Variants in PCM1 observed in about 807,000 individuals in gnomAD.
The protein encoded by PCM1 is pericentriolar material 1, also known as pericentriolar material 1 protein.
PCM1 carries 157 observed loss-of-function variants against 241.9 expected under a neutral mutation model. That is an observed-to-expected ratio of 0.65 (90% CI 0.57 to 0.74). PCM1 has a LOEUF of 0.74. PCM1 is among the 30% of genes least tolerant of loss of function. The probability of loss-of-function intolerance (pLI) is 0.00; values close to 1 mark genes in which losing one functional copy is unlikely to be tolerated. For synonymous variants in PCM1, 1,085 were observed against 784.9 expected, an observed-to-expected ratio of 1.38 and a Z score of -6.39; for missense variants, 3,478 against 2,360.1, an observed-to-expected ratio of 1.47 and a Z score of -9.81.
At position 18,027,930 on chromosome 8, in the gene PCM1, A is replaced by T. The variant is rs191441199; in HGVS notation, c.*268A>T. On this transcript the variant is annotated 3_prime_UTR_variant, in exon 39 of 39. Transcript: ENST00000325083. ...TCCCCATTGTGATGTTTGGTAACGA[A>T]TTTAAAATGTAGTTTTAAATAAAGT... is the stretch of plus-strand genomic sequence containing the variant. 125 of 359,730 alleles carry T rather than the reference A, an allele frequency of 3.5e-4. No individual in the cohort carries two copies. Among genetic ancestry groups the T allele is most frequent in the African/African-American group, 2.4e-3 (116 of 47,948 alleles). 22.3% of individuals were successfully genotyped at this position (359,730 alleles called of 1,614,324 possible).
intron 8 of PCM1, among the ~76,000 whole-genome samples, chr8:17,951,994 G>A (rs1481004629): frequency 2.0e-5 from 3 of 152,026 alleles, no homozygotes; most frequent in Non-Finnish European, 2.9e-5. Flanking sequence ...AGGCCGAGGC[G>A]GGTGGATCAC....
intron 29 of PCM1, among the ~76,000 whole-genome samples, chr8:18,000,129 G>C (rs1160860084): frequency 1.3e-5 from 2 of 152,198 alleles, no homozygotes; most frequent in African/African-American, 4.8e-5. Context: ...AAGTAGAGAT[G>C]TGACTAAGGA....
intron 2 of PCM1, among the ~76,000 whole-genome samples, chr8:17,931,755 TTCAGTATTACAAATTATG>T (rs2059113543): frequency 6.6e-6 from 1 of 152,130 alleles, no homozygotes; most frequent in African/African-American, 2.4e-5. Flanking sequence ...TGTTTTATTC[TTCAGTATTACAAATTATG>T]TCAGTATATG....
chr8:17,977,618 C>T, intron 23 of PCM1, among the ~76,000 whole-genome samples: 1 of 152,062 alleles, frequency 6.6e-6, no homozygotes, highest in East Asian at 1.9e-4. Context: ...TAACCCTTCC[C>T]CTTACCCCCA....
At chr8:17,957,860 T>C in intron 13 of PCM1, 85 bp downstream of exon 13, 1 of 853,224 alleles carries the variant, frequency 1.2e-6, no homozygotes, top group Non-Finnish European at 1.8e-6. Context: ...TACTTTGGTT[T>C]AATTATACTA....
chr8:17,923,399 T>C (rs2055342819), intron 1 of PCM1, among the ~76,000 whole-genome samples: 1 of 152,092 alleles, frequency 6.6e-6, no homozygotes, highest in African/African-American at 2.4e-5. Context: ...GATCCCCGGG[T>C]GAGCACCTCG....
At chr8:18,012,276 GTA>G (rs1424419651) in intron 34 of PCM1, among the ~76,000 whole-genome samples, 3 of 152,166 alleles carry the variant, frequency 2.0e-5, no homozygotes, top group African/African-American at 7.2e-5. Context: ...TGTCTACACT[GTA>G]TACACTACCT....
At chr8:17,963,362 C>A in intron 17 of PCM1, 71 bp downstream of exon 17, 1 of 1,091,892 alleles carries the variant, frequency 9.2e-7, no homozygotes, top group Non-Finnish European at 1.3e-6. Context: ...GCTAGGCAGC[C>A]ACATTTCTCC....
intron 36 of PCM1, 113 bp downstream of exon 36, chr8:18,014,953 A>G (rs1348413551): frequency 3.3e-6 from 3 of 903,868 alleles, no homozygotes; most frequent in Non-Finnish European, 3.2e-6. Flanking sequence ...GGTTTAGAAC[A>G]TGTTGGAACA....
intron 6 of PCM1, among the ~76,000 whole-genome samples, chr8:17,946,553 A>G (rs7829827): frequency 0.037 from 5,551 of 151,070 alleles, 160 homozygotes; most frequent in African/African-American, 0.072. Flanking sequence ...CTGGAGTGCA[A>G]TGGTGCAGTC....
At chr8:17,967,306 T>C (rs115938083) in intron 21 of PCM1, 136 bp downstream of exon 21, 7 of 200,920 alleles carry the variant, frequency 3.5e-5, no homozygotes, top group African/African-American at 1.7e-4. Context: ...TTACAAACTC[T>C]TTTTTTTTTT....
At position 18,011,652 on chromosome 8, in the gene PCM1, T is replaced by C; in HGVS notation, c.5351-15T>C. 5.0e-6 allele frequency: 8 copies of C among 1,588,802 alleles called. No homozygotes were observed. Among genetic ancestry groups the C allele is most frequent in the Admixed American group, 1.8e-5 (1 of 55,302 alleles). Reference sequence around the variant, plus strand: ...GTGCTGAAATTTACTAAAAATTGTGTATTAATCAACTTAGATTTGTCTAAA... The same window carrying C: ...GTGCTGAAATTTACTAAAAATTGTGCATTAATCAACTTAGATTTGTCTAAA... On this transcript the variant is annotated splice_polypyrimidine_tract_variant and intron_variant, in intron 33 of 38. Coordinates refer to ENST00000325083, the MANE Select transcript of PCM1 (RefSeq NM_006197.4).
At chr8:17,994,817 C>T (rs1282430927) in intron 29 of PCM1, among the ~76,000 whole-genome samples, 1 of 151,372 alleles carries the variant, frequency 6.6e-6, no homozygotes, top group East Asian at 1.9e-4. Context: ...GCCTGTTTGC[C>T]ATTTGTATGT....
chr8:17,937,754 T>A (rs2060824258), intron 4 of PCM1, among the ~76,000 whole-genome samples: 1 of 152,148 alleles, frequency 6.6e-6, no homozygotes, highest in South Asian at 2.1e-4. Flanking sequence ...TACCTCAAGT[T>A]TAGAATGAAA....
At chr8:17,958,674 C>G (rs908299455) in intron 13 of PCM1, among the ~76,000 whole-genome samples, 1 of 151,924 alleles carries the variant, frequency 6.6e-6, no homozygotes, top group Non-Finnish European at 1.5e-5. Flanking sequence ...TTGAATTACT[C>G]AAGTAAAAGG....
At chr8:17,985,789 AT>A (rs553785009) in intron 25 of PCM1, among the ~76,000 whole-genome samples, 169 bp from the exon 26 acceptor site, 18 of 151,536 alleles carry the variant, frequency 1.2e-4, no homozygotes, top group African/African-American at 1.9e-4. Flanking sequence ...GCATTAAAGT[AT>A]TTTTTTTGAG....
rs753915158 is a variant in PCM1, at chr8:17,960,390, G to T, written c.2268G>T (p.Leu756=). 6.2e-7 allele frequency: 1 copy of T among 1,607,892 alleles called. No homozygotes were observed. The highest frequency in any genetic ancestry group is 1.3e-5 in the African/African-American group (1 of 74,420). The change falls in exon 15 of 39, where the codon CTG becomes CTT. Residue 756 remains leucine (L), a synonymous_variant. Coordinates refer to ENST00000325083, the MANE Select transcript of PCM1 (RefSeq NM_006197.4). ...LKQLQEERKK[L]IDIQEKIQAL... ...AATTGCAGGAAGAAAGAAAGAAACT[G>T]ATTGACATTCAGGAGAAAATTCAAG...
chr8:17,950,591 C>A (rs376518109), intron 7 of PCM1, 24 bp from the exon 8 acceptor site: 2 of 1,108,734 alleles, frequency 1.8e-6, no homozygotes, highest in Non-Finnish European at 2.7e-6. Context: ...TTACATTAAT[C>A]AGTAGTTACT....
chr8:17,925,129 C>T (rs190091561), intron 2 of PCM1: 1 of 152,326 alleles, frequency 6.6e-6, no homozygotes, highest in Non-Finnish European at 1.5e-5. Context: ...AAGTTCTCTC[C>T]TACAACATTC....
Sources: allele counts gnomAD v4.1 joint callset (sites outside exome capture counted in the v4.1 genomes callset), GRCh38; gene constraint gnomAD v4.1.1; transcripts MANE v1.5; gene names NCBI Gene and HGNC (gene_info 2026-07-23, HGNC 2026-07-21).